Variants in SCRN1 observed in about 807,000 individuals in gnomAD.
SCRN1 encodes the protein secernin-1.
A neutral mutation model predicts 43.3 loss-of-function variants in SCRN1; 19 were observed. The ratio of observed to expected loss-of-function variants is 0.44; its 90% confidence interval spans 0.31 to 0.64. SCRN1 has a LOEUF of 0.64. Ranked by LOEUF, SCRN1 falls within the 30% of genes least tolerant of loss-of-function variation. SCRN1 has a pLI of 0.09. For synonymous variants in SCRN1, 183 were observed against 188.9 expected, an observed-to-expected ratio of 0.97 and a Z score of 0.26; for missense variants, 447 against 524.1, an observed-to-expected ratio of 0.85 and a Z score of 1.44.
chr7:29,983,471 T>C (rs1021802006), intron 1 of SCRN1, among the ~76,000 whole-genome samples: 1 of 152,076 alleles, frequency 6.6e-6, no homozygotes, highest in Non-Finnish European at 1.5e-5. Context: ...AAAAAGACTT[T>C]ATGGTGACAT....
chr7:29,987,101 T>C (rs937332046), intron 1 of SCRN1, among the ~76,000 whole-genome samples: 1 of 152,100 alleles, frequency 6.6e-6, no homozygotes, highest in East Asian at 1.9e-4. Flanking sequence ...ATTTAGCTCC[T>C]ATCTGTTCCA....
At chr7:29,982,910 C>G (rs1432149575) in intron 1 of SCRN1, among the ~76,000 whole-genome samples, 1 of 151,570 alleles carries the variant, frequency 6.6e-6, no homozygotes, top group Non-Finnish European at 1.5e-5. Context: ...GTGATCTCAG[C>G]TCACCACAAT....
At chr7:29,931,227 T>A (rs1174434138) in intron 6 of SCRN1, among the ~76,000 whole-genome samples, 1 of 152,252 alleles carries the variant, frequency 6.6e-6, no homozygotes, top group South Asian at 2.1e-4. Context: ...AACATTACCA[T>A]GAAAATCTCT....
chr7:29,957,941 G>A (rs75381710), intron 2 of SCRN1, among the ~76,000 whole-genome samples: 2,857 of 152,310 alleles, frequency 0.019, 39 homozygotes, highest in East Asian at 0.041. Flanking sequence ...TTAAAAAAAT[G>A]TTGACAATTG....
In SCRN1 at chr7:29,956,388, G is replaced by A. The variant is rs113359653; in HGVS notation, c.160-1028C>T. ...ATGACACACCCTTTGTGTGGTGGAC[G>A]CTGTATTGAATTCAAGTCTCTAAGT... On this transcript the variant is annotated intron_variant, in intron 2 of 7. Coordinates refer to ENST00000242059, the MANE Select transcript of SCRN1 (RefSeq NM_014766.5). 1.5e-3 allele frequency among the ~76,000 whole-genome samples: 235 copies of A among 152,328 alleles called. 1 individual carries two copies. The highest frequency in any genetic ancestry group is 5.5e-3 in the African/African-American group (230 of 41,570).
At chr7:29,926,134 T>C (rs560424603) in intron 7 of SCRN1, among the ~76,000 whole-genome samples, 1 of 152,312 alleles carries the variant, frequency 6.6e-6, no homozygotes, top group African/African-American at 2.4e-5. Context: ...ACACAATATA[T>C]AACAGTTATC....
rs780061662 is a variant in SCRN1, at chr7:29,921,666, A to G, written c.*2291T>C. 1 of 152,246 alleles carries G rather than the reference A, an allele frequency of 6.6e-6. No homozygotes were observed. The highest frequency in any genetic ancestry group is 1.5e-5 in the Non-Finnish European group (1 of 68,044). 9.4% of individuals were successfully genotyped at this position (152,246 alleles called of 1,614,324 possible). A position where few individuals can be genotyped will look rare whatever the true frequency, so the allele number is the denominator to read the frequency against. ...CAATTGTGGTGCAGAGTATTAGCCA[A>G]GACAGCTCTCAATTAGGGTTGCCTT... On this transcript the variant is annotated 3_prime_UTR_variant, in exon 8 of 8. Coordinates refer to ENST00000242059, the MANE Select transcript of SCRN1 (RefSeq NM_014766.5).
intron 6 of SCRN1, among the ~76,000 whole-genome samples, chr7:29,929,735 C>G (rs1486052078): frequency 6.6e-6 from 1 of 152,220 alleles, no homozygotes; most frequent in African/African-American, 2.4e-5. Context: ...CTCAACAGTC[C>G]CTTCTAGCTT....
At chr7:29,953,594 G>A (rs1470271004) in intron 3 of SCRN1, among the ~76,000 whole-genome samples, 1 of 151,934 alleles carries the variant, frequency 6.6e-6, no homozygotes, top group African/African-American at 2.4e-5. Context: ...GAGAAAACTA[G>A]CTATATATAA....
At chr7:29,941,690 T>C (rs1361091272) in intron 4 of SCRN1, among the ~76,000 whole-genome samples, 1 of 152,214 alleles carries the variant, frequency 6.6e-6, no homozygotes, top group African/African-American at 2.4e-5. Flanking sequence ...TGAGTACATT[T>C]CACTTTGATG....
chr7:29,920,899 A>G lies in SCRN1; in HGVS notation c.*3058T>C, dbSNP rs1365444989. 6.6e-6 allele frequency: 1 copy of G among 152,256 alleles called. No homozygotes were observed. The highest frequency in any genetic ancestry group is 1.5e-5 in the Non-Finnish European group (1 of 68,046). 9.4% of individuals were successfully genotyped at this position (152,256 alleles called of 1,614,324 possible). Reference sequence around the variant, plus strand: ...GTTTATAAGAAAGACTCGTTCTAATAACACCAGGTCTTATATTATTGAGCA... The same window carrying G: ...GTTTATAAGAAAGACTCGTTCTAATGACACCAGGTCTTATATTATTGAGCA... On this transcript the variant is annotated 3_prime_UTR_variant, in exon 8 of 8. Transcript: ENST00000242059.
chr7:29,977,468 G>A (rs1484647410), intron 1 of SCRN1, among the ~76,000 whole-genome samples: 5 of 152,304 alleles, frequency 3.3e-5, no homozygotes, highest in African/African-American at 9.6e-5. Context: ...AATAAATGAA[G>A]TGTTTGGGAA....
Position 29,950,007 on chromosome 7 carries a change from G to A in SCRN1, c.341+5172C>T, listed in dbSNP as rs1166372963. 6.6e-6 allele frequency among the ~76,000 whole-genome samples: 1 copy of A among 152,218 alleles called. No individual in the cohort carries two copies. The highest frequency in any genetic ancestry group is 2.4e-5 in the African/African-American group (1 of 41,456). ...ATGCCGGCTGCAACAGGGAGGCAGG[G>A]TCTGGGTTGCGTGCTTTGCGAGGCT... On this transcript the variant is annotated intron_variant, in intron 3 of 7. Transcript: ENST00000242059. This position sits in a 1 kb window ranked among gnomAD's most constrained non-coding sequence, Gnocchi z 4.5.
chr7:29,955,257 A>T lies in SCRN1; in HGVS notation c.263T>A (p.Val88Glu). The T allele has an allele frequency of 6.2e-7, 1 of 1,613,940 alleles. No homozygotes were observed. The highest frequency in any genetic ancestry group is 8.5e-7 in the Non-Finnish European group (1 of 1,179,986). ...GTTGATGGCTTCATTGGCTATGCAC[A>T]CTCCATGTTCATTGGCTCCCATTTC... The part of the protein sequence containing the change: ...GAEMGANEHG[V>E]CIANEAINTR... The change falls in exon 3 of 8, where the codon GTG (valine) becomes GAG (glutamate). Residue 88 changes from valine to glutamate, a missense_variant. By Grantham distance (121) the Val-to-Glu change is moderately radical (BLOSUM62 -2). Transcript: ENST00000242059.
rs192310367 is a variant in SCRN1, at chr7:29,940,309, A to C, written c.739+373T>G. ...TCAAAAAGGGACCCTAAGATGAGTA[A>C]GAGACAACACCTCTGCCCTCAAGTC... On this transcript the variant is annotated intron_variant, in intron 5 of 7. Transcript: ENST00000242059. Among the ~76,000 whole-genome samples the C allele has an allele frequency of 3.3e-5, 5 of 152,332 alleles. No homozygotes were observed. The East Asian group carries it at 7.7e-4, about 24-fold the overall frequency.
Position 29,982,021 on chromosome 7 carries a change from T to C in SCRN1, c.-2+7621A>G, listed in dbSNP as rs1402449161. ...AAGTCTTGGAGGCCTGTGGTTGATATACTCTGGCATAAAGCAAGCAATACT... is the reference window on the plus strand; with the variant it reads ...AAGTCTTGGAGGCCTGTGGTTGATACACTCTGGCATAAAGCAAGCAATACT... On this transcript the variant is annotated intron_variant, in intron 1 of 7. Coordinates refer to ENST00000242059, the MANE Select transcript of SCRN1 (RefSeq NM_014766.5). 2.6e-5 allele frequency among the ~76,000 whole-genome samples: 4 copies of C among 152,178 alleles called. No individual in the cohort carries two copies. In the South Asian group the frequency reaches 6.2e-4, roughly 24 times the overall value.
At chr7:29,963,865 A>C (rs536284482) in intron 2 of SCRN1, among the ~76,000 whole-genome samples, 1 of 152,366 alleles carries the variant, frequency 6.6e-6, no homozygotes, top group Admixed American at 6.5e-5. Flanking sequence ...ATGTTAAGTG[A>C]AAATAGGAAA....
intron 5 of SCRN1, among the ~76,000 whole-genome samples, chr7:29,937,602 G>A (rs1006568216): frequency 1.3e-5 from 2 of 152,170 alleles, no homozygotes; most frequent in African/African-American, 4.8e-5. Context: ...AACTCTTGCT[G>A]GTCAGAGTCA....
intron 1 of SCRN1, among the ~76,000 whole-genome samples, chr7:29,980,672 T>G (rs1304243828): frequency 6.6e-6 from 1 of 152,234 alleles, no homozygotes; most frequent in Non-Finnish European, 1.5e-5. Context: ...AACAAAGGGT[T>G]ACTTTATGTC....
Sources: gnomAD v4.1 joint callset for allele counts (sites outside exome capture counted in the v4.1 genomes callset) on GRCh38, gnomAD v4.1.1 for gene constraint, Gnocchi (gnomAD v3.1) non-coding constraint, MANE v1.5 for transcripts, NCBI Gene and HGNC (gene_info 2026-07-23, HGNC 2026-07-21) for gene names.